Variants in TRA2B observed in about 807,000 individuals in gnomAD.
TRA2B encodes transformer 2 beta homolog.
A neutral mutation model predicts 41.7 loss-of-function variants in TRA2B; 14 were observed. That is an observed-to-expected ratio of 0.34 (90% confidence interval 0.22 to 0.53). The LOEUF is 0.53. TRA2B is among the 20% of genes least tolerant of loss of function. TRA2B has a pLI of 0.95. For missense variants in TRA2B, 167 were observed against 396.8 expected (o/e 0.42, Z 4.92); for synonymous variants, 130 against 128.8 (o/e 1.01, Z -0.06).
In TRA2B at chr3:185,925,490, T is replaced by C. The variant is rs1360157512; in HGVS notation, c.307A>G (p.Thr103Ala). ...CGATTCCCAACATGACGCCTGCGAG[T>C]AGACATGGGAGAATGGCTGTGGCTG... The part of the protein sequence containing the change: ...RHSHSHSPMS[T>A]RRRHVGNRAN... Residue 103 changes from threonine (T) to alanine (A), a missense_variant, in exon 3 of 9, where the codon ACT (threonine) becomes GCT (alanine). Physicochemically the swap from Thr to Ala is moderately conservative, Grantham distance 58. Coordinates refer to ENST00000453386, the MANE Select transcript of TRA2B (RefSeq NM_004593.3). 6.2e-7 allele frequency: 1 copy of C among 1,613,746 alleles called. No individual in the cohort carries two copies. Among genetic ancestry groups the C allele is most frequent in the Non-Finnish European group, 8.5e-7 (1 of 1,179,884 alleles).
intron 1 of TRA2B, chr3:185,936,736 T>A: frequency 2.0e-6 from 2 of 985,218 alleles, no homozygotes; most frequent in Non-Finnish European, 2.4e-6. Context: ...ATTTCTATGG[T>A]GCTTTTCTAT....
chr3:185,937,987 T>A lies in TRA2B; in HGVS notation c.-127A>T, dbSNP rs571029906. 5.6e-4 allele frequency: 629 copies of A among 1,115,864 alleles called. No individual in the cohort carries two copies. The highest frequency in any genetic ancestry group is 7.7e-4 in the Non-Finnish European group (592 of 764,154). The allele number at this position is 1,115,864 out of a possible 1,614,324, so 69.1% of individuals were successfully genotyped here. A position where few individuals can be genotyped will look rare whatever the true frequency, so the allele number is the denominator to read the frequency against. ...GTCGCCCAGCCGCTCAGAGCCGAAA[T>A]GCTCCGCACCGCCTCCGCACGGGCT... On this transcript the variant is annotated 5_prime_UTR_variant, in exon 1 of 9. Coordinates refer to ENST00000453386, the MANE Select transcript of TRA2B (RefSeq NM_004593.3).
intron 7 of TRA2B, among the ~76,000 whole-genome samples, chr3:185,919,216 C>T (rs924855488): frequency 1.3e-5 from 2 of 151,988 alleles, no homozygotes; most frequent in African/African-American, 4.8e-5. Context: ...TACCTCATCA[C>T]GGTATAAAAT....
At chr3:185,935,130 T>C in intron 1 of TRA2B, 1 of 985,448 alleles carries the variant, frequency 1.0e-6, no homozygotes, top group Non-Finnish European at 1.2e-6. Flanking sequence ...ATTCAACTTC[T>C]TGTAATTGTG....
At position 185,934,834 on chromosome 3, in the gene TRA2B, A is replaced by G. The variant is rs142687041; in HGVS notation, c.36+2991T>C. The G allele has an allele frequency of 1.8e-3, 1,745 of 985,458 alleles. 3 individuals are homozygous for G. The highest frequency in any genetic ancestry group is 1.9e-3 in the Non-Finnish European group (1,579 of 829,932). The allele number at this position is 985,458 out of a possible 1,614,324, so 61.0% of individuals were successfully genotyped here. ...CTGCTATTCATCTCTAATGATAAAG[A>G]TTACGTGCCTATGTTGCAATCACAT... On this transcript the variant is annotated intron_variant, in intron 1 of 8. Coordinates refer to ENST00000453386, the MANE Select transcript of TRA2B (RefSeq NM_004593.3).
intron 1 of TRA2B, among the ~76,000 whole-genome samples, chr3:185,933,858 T>C (rs950699067): frequency 9.9e-5 from 15 of 152,090 alleles, no homozygotes; most frequent in African/African-American, 3.4e-4. Context: ...CAAATATAAA[T>C]ATCTTTTGAC....
At chr3:185,937,121 C>G in intron 1 of TRA2B, 1 of 985,446 alleles carries the variant, frequency 1.0e-6, no homozygotes, top group Non-Finnish European at 1.2e-6. Context: ...AGATTTTTGC[C>G]TGGGAAGCCC....
chr3:185,917,745 C>T lies in TRA2B; in HGVS notation c.857-20G>A. ...AGCGACCTGGGAAGAAAAGAATGAA[C>T]ATGCTTTAATATTAAGTGAACTAAT... On this transcript the variant is annotated intron_variant, in intron 8 of 8. Transcript: ENST00000453386. 1 of 1,611,198 alleles carries T rather than the reference C, an allele frequency of 6.2e-7. No individual in the cohort carries two copies. The highest frequency in any genetic ancestry group is 8.5e-7 in the Non-Finnish European group (1 of 1,177,714).
intron 1 of TRA2B, chr3:185,935,136 T>G: frequency 1.0e-6 from 1 of 985,462 alleles, no homozygotes. Flanking sequence ...CTTCTTGTAA[T>G]TGTGACTTAA....
intron 8 of TRA2B, 139 bp downstream of exon 8, chr3:185,918,226 C>A: frequency 4.9e-6 from 3 of 609,130 alleles, no homozygotes; most frequent in Non-Finnish European, 8.2e-6. Flanking sequence ...TTTCTTGAAC[C>A]AAAAAATGTT....
At chr3:185,933,478 T>C (rs1744228605) in intron 1 of TRA2B, among the ~76,000 whole-genome samples, 1 of 152,306 alleles carries the variant, frequency 6.6e-6, no homozygotes, top group African/African-American at 2.4e-5. Context: ...ACACAATTTT[T>C]GTTAAAATGT....
chr3:185,917,638 T>C lies in TRA2B; in HGVS notation c.*77A>G. ...ACTTCACTAGGCACTGTTCACTTTT[T>C]AAACAAGAGACAATAAAAAATATTG... On this transcript the variant is annotated 3_prime_UTR_variant, in exon 9 of 9. Transcript: ENST00000453386. 6 of 1,539,494 alleles carry C rather than the reference T, an allele frequency of 3.9e-6. No homozygotes were observed. Among genetic ancestry groups the C allele is most frequent in the Non-Finnish European group, 5.4e-6 (6 of 1,119,000 alleles).
At chr3:185,936,804 A>G in intron 1 of TRA2B, 2 of 985,348 alleles carry the variant, frequency 2.0e-6, no homozygotes, top group Non-Finnish European at 2.4e-6. Flanking sequence ...GCATCATTCA[A>G]TGCTTTCCGA....
chr3:185,935,672 A>G, intron 1 of TRA2B: 1 of 985,478 alleles, frequency 1.0e-6, no homozygotes, highest in South Asian at 4.7e-5. Flanking sequence ...CCAGAGAAGC[A>G]TCATTTACAC....
At chr3:185,926,464 G>C in intron 2 of TRA2B, 137 bp downstream of exon 2, 3 of 1,175,282 alleles carry the variant, frequency 2.6e-6, no homozygotes, top group Non-Finnish European at 3.5e-6. Flanking sequence ...TTGCCTCCCA[G>C]AACTTAAGTT....
intron 1 of TRA2B, chr3:185,935,224 A>T (rs996938626): frequency 4.1e-6 from 4 of 985,410 alleles, no homozygotes; most frequent in African/African-American, 1.7e-5. Context: ...TTGGGGGAAG[A>T]GTCTTGAATC....
chr3:185,921,017 T>C, intron 6 of TRA2B, 87 bp downstream of exon 6: 1 of 1,184,288 alleles, frequency 8.4e-7, no homozygotes, highest in East Asian at 2.4e-5. Flanking sequence ...AAAGCAAAGC[T>C]TTTAACAAAG....
chr3:185,920,114 G>A (rs1463787439), intron 6 of TRA2B, among the ~76,000 whole-genome samples: 3 of 152,058 alleles, frequency 2.0e-5, no homozygotes, highest in Non-Finnish European at 2.9e-5. Flanking sequence ...CCCAAACCCC[G>A]AAATACCAAA....
intron 4 of TRA2B, 183 bp downstream of exon 4, chr3:185,923,613 C>A: frequency 2.1e-6 from 1 of 484,274 alleles, no homozygotes; most frequent in Non-Finnish European, 3.5e-6. Flanking sequence ...GGTGGTAGGA[C>A]CAACTTCCCC....
Sources: gnomAD v4.1 joint callset for allele counts (sites outside exome capture counted in the v4.1 genomes callset) on GRCh38, gnomAD v4.1.1 for gene constraint, MANE v1.5 for transcripts, NCBI Gene and HGNC (gene_info 2026-07-23, HGNC 2026-07-21) for gene names.